Variants in RAPGEF4 observed in about 807,000 individuals in gnomAD.
RAPGEF4 encodes Rap guanine nucleotide exchange factor 4, also known as RAP guanine-nucleotide-exchange factor (GEF) 4.
In RAPGEF4, 66 loss-of-function variants were observed where a neutral mutation model predicts 147.9. The ratio of observed to expected loss-of-function variants is 0.45; its 90% CI spans 0.37 to 0.55. The LOEUF is 0.55. Among genes scored for constraint, RAPGEF4 ranks in the 20% least tolerant of loss-of-function variants. The probability of loss-of-function intolerance (pLI) is 0.00; values close to 1 mark genes in which losing one functional copy is unlikely to be tolerated. For missense variants in RAPGEF4, 1,071 were observed against 1,257.3 expected (o/e 0.85, Z 2.24); for synonymous variants, 419 against 442.7 (o/e 0.95, Z 0.67).
chr2:173,031,971 A>G (rs1352575748), intron 26 of RAPGEF4, among the ~76,000 whole-genome samples: 1 of 152,164 alleles, frequency 6.6e-6, no homozygotes, highest in East Asian at 1.9e-4. Context: ...AGTGACCACA[A>G]GAGCAGTGTG....
Position 172,922,257 on chromosome 2 carries a change from CTCTG to C in RAPGEF4, c.518-20_518-17del. ...GTTGATTATACAATTCATGGCCTCT[CTCTG>C]TCTCTTTTTCCTCCTTTAGGGATTC... On this transcript the variant is annotated intron_variant, in intron 5 of 30. Transcript: ENST00000397081. 6.2e-7 allele frequency: 1 copy of C among 1,605,356 alleles called. No homozygotes were observed. Among genetic ancestry groups the C allele is most frequent in the Admixed American group, 1.7e-5 (1 of 60,022 alleles).
At chr2:172,895,033 C>T (rs1039425573) in intron 4 of RAPGEF4, among the ~76,000 whole-genome samples, 4 of 151,980 alleles carry the variant, frequency 2.6e-5, no homozygotes, top group African/African-American at 9.7e-5. Context: ...AGAGAGCTCT[C>T]TATAGCTTCT....
chr2:172,819,461 CTTTTTT>C (rs1242605865), intron 4 of RAPGEF4, among the ~76,000 whole-genome samples: 1 of 87,008 alleles, frequency 1.1e-5, no homozygotes, highest in Non-Finnish European at 2.1e-5. Flanking sequence ...ATTTTTAGTT[CTTTTTT>C]TTTTTTTTTT....
At chr2:173,003,375 G>A (rs1225399658) in intron 17 of RAPGEF4, among the ~76,000 whole-genome samples, 1 of 152,158 alleles carries the variant, frequency 6.6e-6, no homozygotes, top group Non-Finnish European at 1.5e-5. Context: ...GTCTGTAGAC[G>A]GGGGAATCCA....
At position 172,798,578 on chromosome 2, in the gene RAPGEF4, A is replaced by G. The variant is rs547048219; in HGVS notation, c.297+965A>G. On this transcript the variant is annotated intron_variant, in intron 3 of 30. Coordinates refer to ENST00000397081, the MANE Select transcript of RAPGEF4 (RefSeq NM_007023.4). ...TGAAAGAATTGTCCAAAAAAATTAA[A>G]GAATTATTTAAAGGGACAAATAACC... Among the ~76,000 whole-genome samples, 15 of 147,810 alleles carry G rather than the reference A, an allele frequency of 1.0e-4. No individual in the cohort carries two copies. The South Asian group carries it at 3.0e-3, about 29-fold the overall frequency.
Position 173,042,594 on chromosome 2 carries a change from A to G in RAPGEF4, c.2853+5902A>G, listed in dbSNP as rs979791102. On this transcript the variant is annotated intron_variant, in intron 29 of 30. Transcript: ENST00000397081. This position sits in a 1 kb window ranked among gnomAD's most constrained non-coding sequence, Gnocchi z 4.2. ...GCCGAGATCGTGCCACTGCACTCCA[A>G]CCTGGGCAATAGAGTAAGACTCCAA... is the stretch of plus-strand genomic sequence containing the variant. Among the ~76,000 whole-genome samples, 1 of 152,034 alleles carries G rather than the reference A, an allele frequency of 6.6e-6. No individual in the cohort carries two copies.
chr2:172,750,142 G>T (rs368887735), intron 1 of RAPGEF4, among the ~76,000 whole-genome samples: 1 of 151,896 alleles, frequency 6.6e-6, no homozygotes, highest in African/African-American at 2.4e-5. Flanking sequence ...TCCAACTTCT[G>T]CCTGTTACCC....
intron 25 of RAPGEF4, among the ~76,000 whole-genome samples, chr2:173,029,149 A>G (rs761862560): frequency 6.6e-6 from 1 of 152,220 alleles, no homozygotes; most frequent in Non-Finnish European, 1.5e-5. Context: ...CTTTCTCACC[A>G]GTGGGACCAT....
intron 6 of RAPGEF4, among the ~76,000 whole-genome samples, chr2:172,926,886 T>G (rs898122742): frequency 6.6e-6 from 1 of 152,184 alleles, no homozygotes; most frequent in Non-Finnish European, 1.5e-5. Context: ...CCTCATTTTT[T>G]AGGCAGTTAT....
intron 6 of RAPGEF4, among the ~76,000 whole-genome samples, chr2:172,948,435 A>G (rs1389393517): frequency 6.6e-6 from 1 of 152,230 alleles, no homozygotes; most frequent in Non-Finnish European, 1.5e-5. Flanking sequence ...AGAAATACTT[A>G]TCAAAACAAC....
rs927157500 is a variant in RAPGEF4 at position 172,875,046 on chromosome 2, T to G, written c.445-42756T>G. 2.2e-3 allele frequency among the ~76,000 whole-genome samples: 341 copies of G among 152,382 alleles called. 2 individuals carry two copies. Among genetic ancestry groups the G allele is most frequent in the Non-Finnish European group, 4.1e-3 (279 of 68,040 alleles). On this transcript the variant is annotated intron_variant, in intron 4 of 30. Transcript: ENST00000397081. ...GTCTTTTGGCTGCATAAATGTCTTC[T>G]TTTGAGAAGTGTCTGTTCACATCCT...
intron 27 of RAPGEF4, 93 bp downstream of exon 27, chr2:173,034,057 C>T: frequency 8.1e-7 from 1 of 1,230,816 alleles, no homozygotes; most frequent in Non-Finnish European, 1.2e-6. Context: ...GAAATTTTAT[C>T]TGTCCTTATA....
At chr2:172,930,886 G>T (rs945047190) in intron 6 of RAPGEF4, among the ~76,000 whole-genome samples, 2 of 152,120 alleles carry the variant, frequency 1.3e-5, no homozygotes, top group African/African-American at 2.4e-5. Context: ...CTAAGTCATT[G>T]AATTCACTTC....
Position 172,829,496 on chromosome 2 carries a change from T to G in RAPGEF4, c.444+15071T>G, listed in dbSNP as rs558823637. Among the ~76,000 whole-genome samples the G allele has an allele frequency of 2.0e-3, 312 of 152,270 alleles. 1 individual carries two copies. The highest frequency in any genetic ancestry group is 5.3e-3 in the Admixed American group (81 of 15,296). On this transcript the variant is annotated intron_variant, in intron 4 of 30. Coordinates refer to ENST00000397081, the MANE Select transcript of RAPGEF4 (RefSeq NM_007023.4). ...TTCGAAAACATCGTGGTCACTTGGA[T>G]TTTACATTTGCAAGGCGGGTCTCTG...
At chr2:172,857,818 G>T (rs1431837989) in intron 4 of RAPGEF4, among the ~76,000 whole-genome samples, 1 of 147,722 alleles carries the variant, frequency 6.8e-6, no homozygotes, top group East Asian at 2.0e-4. Context: ...GAGAGTCTGA[G>T]ACTGCAGCGA....
At chr2:172,841,955 C>T (rs1691659298) in intron 4 of RAPGEF4, among the ~76,000 whole-genome samples, 2 of 152,170 alleles carry the variant, frequency 1.3e-5, no homozygotes, top group Admixed American at 1.3e-4. Context: ...TTTATTGTCC[C>T]TCATTCTCCT....
intron 6 of RAPGEF4, among the ~76,000 whole-genome samples, chr2:172,950,774 C>A (rs1688133672): frequency 6.6e-6 from 1 of 152,126 alleles, no homozygotes; most frequent in Non-Finnish European, 1.5e-5. Context: ...ACAATAATTC[C>A]TTTAACTGGA....
At chr2:172,802,026 G>A (rs1037576492) in intron 3 of RAPGEF4, among the ~76,000 whole-genome samples, 4 of 152,148 alleles carry the variant, frequency 2.6e-5, no homozygotes, top group Admixed American at 2.6e-4. Context: ...GTGATAGGGA[G>A]GGAAAGTGAA....
chr2:172,841,998 TA>T (rs2149706429), intron 4 of RAPGEF4, among the ~76,000 whole-genome samples: 1 of 152,346 alleles, frequency 6.6e-6, no homozygotes, highest in South Asian at 2.1e-4. Flanking sequence ...ACACCTGCCA[TA>T]GTGTGTATCC....
Sources: gnomAD v4.1 joint callset for allele counts (sites outside exome capture counted in the v4.1 genomes callset) on GRCh38, gnomAD v4.1.1 for gene constraint, Gnocchi (gnomAD v3.1) non-coding constraint, MANE v1.5 for transcripts, NCBI Gene and HGNC (gene_info 2026-07-23, HGNC 2026-07-21) for gene names.